SLC14A2: variants seen among roughly 807,000 people sequenced by gnomAD.
SLC14A2 encodes the protein solute carrier family 14 member 2, also known as urea transporter 2.
Under a neutral mutation model 104.6 loss-of-function variants are expected in SLC14A2, and 91 were observed. That is an observed-to-expected ratio of 0.87 (90% CI 0.73 to 1.04). SLC14A2 has a LOEUF of 1.04. Ranked by LOEUF, SLC14A2 falls within the 50% of genes least tolerant of loss-of-function variation. SLC14A2 has a pLI of 0.00. For missense variants in SLC14A2, 1,189 were observed against 1,156.0 expected (o/e 1.03, Z -0.41); for synonymous variants, 476 against 466.4 (o/e 1.02, Z -0.27).
chr18:45,550,730 G>A (rs1190267179), intron 2 of SLC14A2, among the ~76,000 whole-genome samples: 1 of 152,130 alleles, frequency 6.6e-6, no homozygotes. Context: ...GCTGTTTAAG[G>A]CTGGATCTGA....
chr18:45,642,008 C>A lies in SLC14A2; in HGVS notation c.1126+665C>A, dbSNP rs1599106371. Among the ~76,000 whole-genome samples the A allele has an allele frequency of 2.0e-5, 3 of 152,278 alleles. No homozygotes were observed. In the South Asian group the frequency reaches 6.2e-4, roughly 32 times the overall value. ...ATACCACCAGGCATAGCCTGCCTGGCCCATTTTACAGATGAGGAAATGAGG... is the reference window on the plus strand; with the variant it reads ...ATACCACCAGGCATAGCCTGCCTGGACCATTTTACAGATGAGGAAATGAGG... On this transcript the variant is annotated intron_variant, in intron 8 of 19. Coordinates refer to ENST00000255226, the MANE Select transcript of SLC14A2 (RefSeq NM_007163.4).
rs2084921598 is a variant in SLC14A2, at chr18:45,296,782, T to G, written c.-125+83591T>G. On this transcript the variant is annotated intron_variant, in intron 1 of 20. Coordinates refer to the SLC14A2 transcript ENST00000586448. ...GACTTCCCCAGTTTAGGGAGAAAAG[T>G]GTATGACAACTTCCTTTCTGAATGT... Among the ~76,000 whole-genome samples the G allele has an allele frequency of 2.0e-5, 3 of 152,104 alleles. No homozygotes were observed. The South Asian group carries it at 6.2e-4, about 32-fold the overall frequency.
At chr18:45,266,667 A>G (rs1012203663) in intron 1 of SLC14A2, among the ~76,000 whole-genome samples, 1 of 152,180 alleles carries the variant, frequency 6.6e-6, no homozygotes, top group Non-Finnish European at 1.5e-5. Flanking sequence ...ATCAGTTGGT[A>G]TGTGGCAGTT....
intron 1 of SLC14A2, among the ~76,000 whole-genome samples, chr18:45,281,808 A>T (rs1016202435): frequency 1.3e-4 from 20 of 152,166 alleles, no homozygotes; most frequent in African/African-American, 4.6e-4. Context: ...TTCTAGGTCT[A>T]ATCATACCAC....
chr18:45,370,515 A>G (rs2085711560), intron 1 of SLC14A2, among the ~76,000 whole-genome samples: 3 of 152,306 alleles, frequency 2.0e-5, no homozygotes, highest in South Asian at 4.1e-4. Context: ...CTAAAGAAAG[A>G]CCCAAAATAT....
intron 2 of SLC14A2, among the ~76,000 whole-genome samples, chr18:45,552,588 C>T (rs2044071614): frequency 6.6e-6 from 1 of 152,102 alleles, no homozygotes; most frequent in Non-Finnish European, 1.5e-5. Context: ...AACAAATAAC[C>T]ATGAAGTTAT....
intron 2 of SLC14A2, among the ~76,000 whole-genome samples, chr18:45,499,259 T>C (rs2043152490): frequency 6.6e-6 from 1 of 152,232 alleles, no homozygotes; most frequent in South Asian, 2.1e-4. Context: ...TGTATATACA[T>C]GTGTAAACAT....
At chr18:45,564,622 G>A (rs2044242725) in intron 2 of SLC14A2, among the ~76,000 whole-genome samples, 1 of 152,348 alleles carries the variant, frequency 6.6e-6, no homozygotes, top group African/African-American at 2.4e-5. Context: ...AAATGAGGAA[G>A]GGGATGCCAG....
intron 2 of SLC14A2, among the ~76,000 whole-genome samples, chr18:45,574,570 C>G (rs891159852): frequency 1.3e-5 from 2 of 152,222 alleles, no homozygotes; most frequent in South Asian, 4.1e-4. Flanking sequence ...TGCCTCTGCC[C>G]TTTGCACAGA....
upstream of SLC14A2, among the ~76,000 whole-genome samples, chr18:45,209,018 A>C (rs1438164092): frequency 1.7e-5 from 2 of 117,914 alleles, no homozygotes; most frequent in Non-Finnish European, 3.6e-5. Flanking sequence ...CTGGAAATTA[A>C]CAGGCATTTA....
Position 45,639,854 on chromosome 18 carries a change from T to A in SLC14A2, c.952T>A (p.Leu318Met), listed in dbSNP as rs757543376. The part of the protein sequence containing the change: ...ALFISSPLIC[L>M]HAAIGSIVGL... ...GTTCATCTCCTCGCCACTCATCTGC[T>A]TGCATGCAGCCATTGGCTCAATCGT... Residue 318 changes from leucine to methionine, a missense_variant, in exon 7 of 20, where the codon TTG becomes ATG. Coordinates refer to ENST00000255226, the MANE Select transcript of SLC14A2 (RefSeq NM_007163.4). 3.1e-6 allele frequency: 5 copies of A among 1,613,716 alleles called. No homozygotes were observed. Among genetic ancestry groups the A allele is most frequent in the Non-Finnish European group, 4.2e-6 (5 of 1,180,002 alleles).
intron 10 of SLC14A2, among the ~76,000 whole-genome samples, chr18:45,655,683 AAG>A (rs776322043): frequency 6.6e-6 from 1 of 152,222 alleles, no homozygotes; most frequent in Non-Finnish European, 1.5e-5. Flanking sequence ...CATGTGGAGA[AAG>A]AGAGTATGAA....
the SLC14A2 span, among the ~76,000 whole-genome samples, chr18:45,185,678 GA>G: frequency 2.0e-5 from 3 of 151,650 alleles, no homozygotes; most frequent in Admixed American, 6.6e-5. Context: ...ATCAAATTTT[GA>G]AAGAAAAAAA....
At chr18:45,169,280 C>T in the SLC14A2 span, 1 of 152,174 alleles carries the variant, frequency 6.6e-6, no homozygotes, top group Admixed American at 6.6e-5. Flanking sequence ...TGAAATTTGA[C>T]TAAGTGTGAT....
intron 1 of SLC14A2, among the ~76,000 whole-genome samples, chr18:45,299,095 G>A (rs1192322276): frequency 6.6e-6 from 1 of 152,180 alleles, no homozygotes; most frequent in Non-Finnish European, 1.5e-5. Flanking sequence ...GAAAGATACA[G>A]CATTCAGCCT....
intron 1 of SLC14A2, among the ~76,000 whole-genome samples, chr18:45,321,138 C>A (rs890487995): frequency 7.9e-5 from 12 of 152,208 alleles, no homozygotes; most frequent in African/African-American, 2.9e-4. Context: ...GCATCCCAAT[C>A]ATCTGGATCC....
chr18:45,259,367 G>A (rs565508771), intron 1 of SLC14A2, among the ~76,000 whole-genome samples: 6 of 152,230 alleles, frequency 3.9e-5, no homozygotes, highest in African/African-American at 1.2e-4. Context: ...TGGATAATTC[G>A]CCACAGCACA....
rs541185492 is a variant in SLC14A2, at chr18:45,444,177, T to C, written c.-124-39056T>C. On this transcript the variant is annotated intron_variant, in intron 1 of 20. Transcript: ENST00000586448. Reference sequence around the variant, plus strand: ...GTACTGAAGAACCAACTGGAAGCCCTGTTCTAAGGTTTTCTGAGGTGTTAA... The same window carrying C: ...GTACTGAAGAACCAACTGGAAGCCCCGTTCTAAGGTTTTCTGAGGTGTTAA... Among the ~76,000 whole-genome samples, 17 of 152,350 alleles carry C rather than the reference T, an allele frequency of 1.1e-4. No individual in the cohort carries two copies. The South Asian group carries it at 3.5e-3, about 32-fold the overall frequency.
chr18:45,615,234 T>C (rs2045042088), upstream of SLC14A2: 1 of 152,234 alleles, frequency 6.6e-6, no homozygotes, highest in Admixed American at 6.5e-5. Flanking sequence ...AATTTTGTTT[T>C]GAAATGTATA....
Sources: allele counts gnomAD v4.1 joint callset (sites outside exome capture counted in the v4.1 genomes callset), GRCh38; gene constraint gnomAD v4.1.1; transcripts MANE v1.5; gene names NCBI Gene and HGNC (gene_info 2026-07-23, HGNC 2026-07-21).